Variants in SEC24B observed in about 807,000 individuals in gnomAD.
SEC24B encodes the protein SEC24 homolog B, COPII component, also known as protein transport protein Sec24B.
Under a neutral mutation model 142.8 loss-of-function variants are expected in SEC24B, and 45 were observed. The observed-to-expected ratio is 0.32, with a 90% CI of 0.25 to 0.40. The LOEUF (loss-of-function observed/expected upper bound fraction) is 0.40. SEC24B is among the 10% of genes least tolerant of loss of function. SEC24B has a pLI of 1.00. For missense variants in SEC24B, 1,409 were observed against 1,526.8 expected (o/e 0.92, Z 1.29); for synonymous variants, 574 against 568.2 (o/e 1.01, Z -0.15).
Position 109,534,547 on chromosome 4 carries a change from A to G in SEC24B, c.3588+862A>G, listed in dbSNP as rs1046954764. Among the ~76,000 whole-genome samples, 12 of 152,226 alleles carry G rather than the reference A, an allele frequency of 7.9e-5. No homozygotes were observed. In the South Asian group the frequency reaches 2.5e-3, roughly 32 times the overall value. ...GCTTGCAGTGAGCCGAGATCGTGCC[A>G]CTGCACTCCAGCCTGGGTGACACAG... On this transcript the variant is annotated intron_variant, in intron 22 of 23. Transcript: ENST00000265175.
intron 14 of SEC24B, among the ~76,000 whole-genome samples, chr4:109,522,695 G>A (rs1045286214): frequency 6.6e-5 from 10 of 152,072 alleles, no homozygotes; most frequent in Admixed American, 3.3e-4. Flanking sequence ...ATAATCTAAC[G>A]ATACTAGCAT....
intron 7 of SEC24B, 108 bp from the exon 8 acceptor site, chr4:109,509,901 C>A: frequency 1.7e-6 from 1 of 601,602 alleles, no homozygotes; most frequent in Non-Finnish European, 2.8e-6. Context: ...CAGTAACATG[C>A]CCAAATGATT....
At chr4:109,443,520 G>A (rs1044772964) in intron 1 of SEC24B, among the ~76,000 whole-genome samples, 9 of 152,152 alleles carry the variant, frequency 5.9e-5, no homozygotes, top group Admixed American at 1.3e-4. Flanking sequence ...GGGATTACAG[G>A]CATGAACCAC....
At chr4:109,484,214 C>T (rs1328752229) in intron 4 of SEC24B, among the ~76,000 whole-genome samples, 1 of 152,168 alleles carries the variant, frequency 6.6e-6, no homozygotes, top group East Asian at 1.9e-4. Context: ...CTTGCCTTTA[C>T]ATTTTCAAAG....
chr4:109,506,328 C>A lies in SEC24B; in HGVS notation c.1489C>A (p.Gln497Lys). The change falls in exon 7 of 24, where the codon CAG becomes AAG. Residue 497 changes from glutamine (Q) to lysine (K), a missense_variant and splice_region_variant. Transcript: ENST00000265175. ...VYSGFQQYPQ[Q>K]YPGVNQLSSS... ...ATTTTGTTTTGAATTGCTCTTTCAG[C>A]AGTATCCTGGTGTGAACCAGCTATC... 6.6e-7 allele frequency: 1 copy of A among 1,522,654 alleles called. No homozygotes were observed. 94.3% of individuals were successfully genotyped at this position (1,522,654 alleles called of 1,614,324 possible).
intron 1 of SEC24B, among the ~76,000 whole-genome samples, chr4:109,446,447 T>G (rs1312573323): frequency 6.6e-6 from 1 of 152,230 alleles, no homozygotes; most frequent in East Asian, 1.9e-4. Context: ...TGTAGCCCAG[T>G]GAAACTGATT....
At chr4:109,449,423 G>T in intron 1 of SEC24B, 5 of 402,016 alleles carry the variant, frequency 1.2e-5, no homozygotes, top group Non-Finnish European at 2.0e-5. Context: ...GTAGAGACGG[G>T]ATTTCACCAT....
intron 8 of SEC24B, among the ~76,000 whole-genome samples, 173 bp from the exon 9 acceptor site, chr4:109,511,784 T>C (rs1043465387): frequency 6.6e-6 from 1 of 152,254 alleles, no homozygotes; most frequent in African/African-American, 2.4e-5. Flanking sequence ...GGGAGAAAAC[T>C]TGATGGCTAC....
chr4:109,516,517 A>G lies in SEC24B; in HGVS notation c.2014-11A>G, dbSNP rs761026351. 5.9e-6 allele frequency: 9 copies of G among 1,537,368 alleles called. No individual in the cohort carries two copies. The highest frequency in any genetic ancestry group is 5.5e-5 in the African/African-American group (4 of 72,988). ...CTACCAAATAACTTACTTTATTTTT[A>G]TTCCTTTCAGCTGCGTCCTCCTCAA... is the stretch of plus-strand genomic sequence containing the variant. On this transcript the variant is annotated splice_polypyrimidine_tract_variant and intron_variant, in intron 10 of 23. Transcript: ENST00000265175.
chr4:109,439,859 G>T (rs185365023), intron 1 of SEC24B, among the ~76,000 whole-genome samples: 1 of 151,340 alleles, frequency 6.6e-6, no homozygotes, highest in Non-Finnish European at 1.5e-5. Context: ...GGTGGCTTAC[G>T]CCTGTAATCC....
At chr4:109,506,843 C>A (rs9999570) in intron 7 of SEC24B, among the ~76,000 whole-genome samples, 46,439 of 151,984 alleles carry the variant, frequency 0.31, 11,777 homozygotes, top group African/African-American at 0.7. Context: ...GATATCTTTT[C>A]AATAAGGACA....
chr4:109,501,091 T>C (rs1736084913), intron 6 of SEC24B, among the ~76,000 whole-genome samples: 1 of 152,368 alleles, frequency 6.6e-6, no homozygotes, highest in East Asian at 1.9e-4. Flanking sequence ...CTTTGAGTCC[T>C]GTAAGCTCCA....
rs763888590 is a variant in SEC24B, at chr4:109,524,957, A to T, written c.2632+16A>T. The stretch of plus-strand genomic sequence containing the variant: ...GCTTCTCTAGGTAAGGAAAGTCATC[A>T]TGGGTACATTTGTTTAAATGAACAT... On this transcript the variant is annotated intron_variant, in intron 15 of 23. Coordinates refer to ENST00000265175, the MANE Select transcript of SEC24B (RefSeq NM_006323.5). The T allele has an allele frequency of 2.5e-6, 4 of 1,597,974 alleles. No individual in the cohort carries two copies. The highest frequency in any genetic ancestry group is 3.4e-6 in the Non-Finnish European group (4 of 1,173,262).
intron 4 of SEC24B, among the ~76,000 whole-genome samples, chr4:109,488,226 C>T (rs1317350890): frequency 1.3e-5 from 2 of 151,988 alleles, no homozygotes; most frequent in African/African-American, 2.4e-5. Context: ...TTTTCTTCAC[C>T]CCAAAATAGA....
intron 3 of SEC24B, among the ~76,000 whole-genome samples, chr4:109,477,009 C>T (rs1178713965): frequency 6.7e-6 from 1 of 150,282 alleles, no homozygotes; most frequent in South Asian, 2.1e-4. Flanking sequence ...TAGTGGCGGG[C>T]GCCTGTAGTC....
At chr4:109,527,583 CAACATGGTGAAACCCCATCTCTACTA>C in intron 18 of SEC24B, 151 bp downstream of exon 18, 1 of 591,902 alleles carries the variant, frequency 1.7e-6, no homozygotes, top group Admixed American at 3.1e-5. Context: ...CCAGGCTGGC[CAACATGGTGAAACCCCATCTCTACTA>C]AAAATACGAA....
intron 3 of SEC24B, among the ~76,000 whole-genome samples, chr4:109,477,397 C>A (rs114048340): frequency 6.6e-6 from 1 of 151,988 alleles, no homozygotes; most frequent in African/African-American, 2.4e-5. Flanking sequence ...ACTGCAGCCT[C>A]GACCCTTGAG....
rs757487869 is a variant in SEC24B at position 109,531,530 on chromosome 4, T to G, written c.3390+8T>G. On this transcript the variant is annotated splice_region_variant and intron_variant, in intron 20 of 23. Coordinates refer to ENST00000265175, the MANE Select transcript of SEC24B (RefSeq NM_006323.5). ...GACAGATTGACAGATGAGGTATGTA[T>G]TTTAGTGCATTTGAAATGTTTAAAT... 6.3e-7 allele frequency: 1 copy of G among 1,586,182 alleles called. No homozygotes were observed. Among genetic ancestry groups the G allele is most frequent in the Non-Finnish European group, 8.6e-7 (1 of 1,156,116 alleles).
At chr4:109,513,561 C>T (rs528891855) in intron 9 of SEC24B, among the ~76,000 whole-genome samples, 186 bp from the exon 10 acceptor site, 11 of 152,178 alleles carry the variant, frequency 7.2e-5, no homozygotes, top group African/African-American at 2.6e-4. Flanking sequence ...GGATTGCAGG[C>T]GTGAGCCACC....
Sources: gnomAD v4.1 joint callset for allele counts (sites outside exome capture counted in the v4.1 genomes callset) on GRCh38, gnomAD v4.1.1 for gene constraint, MANE v1.5 for transcripts, NCBI Gene and HGNC (gene_info 2026-07-23, HGNC 2026-07-21) for gene names.